Variants in RPS6KA2 observed in about 807,000 individuals in gnomAD.
RPS6KA2 encodes the protein ribosomal protein S6 kinase A2, also known as ribosomal protein S6 kinase alpha-2.
A neutral mutation model predicts 91.8 loss-of-function variants in RPS6KA2; 42 were observed. That is an observed-to-expected ratio of 0.46 (90% CI 0.36 to 0.59). RPS6KA2 has a LOEUF of 0.59. Ranked by LOEUF, RPS6KA2 falls within the 20% of genes least tolerant of loss-of-function variation. The pLI, the probability that RPS6KA2 is intolerant of heterozygous loss-of-function variation, is 0.00. For missense variants in RPS6KA2, 798 were observed against 978.5 expected (o/e 0.82, Z 2.46); for synonymous variants, 414 against 393.6 (o/e 1.05, Z -0.61).
At chr6:166,566,964 T>C (rs1454439674) in intron 1 of RPS6KA2, among the ~76,000 whole-genome samples, 2 of 152,170 alleles carry the variant, frequency 1.3e-5, no homozygotes, top group African/African-American at 4.8e-5. Flanking sequence ...AACCCTACAT[T>C]ACATCGTCGC....
At chr6:166,454,920 T>C (rs1780045417) in intron 12 of RPS6KA2, among the ~76,000 whole-genome samples, 1 of 150,216 alleles carries the variant, frequency 6.7e-6, no homozygotes, top group Admixed American at 6.7e-5. Flanking sequence ...TAAAATAGAA[T>C]ACTATAATAC....
intron 2 of RPS6KA2, among the ~76,000 whole-genome samples, chr6:166,794,459 G>T (rs1489659907): frequency 1.3e-5 from 2 of 151,710 alleles, no homozygotes; most frequent in Non-Finnish European, 3.0e-5. Context: ...ATTCCTCAGG[G>T]ATCTAGAACT....
intron 2 of RPS6KA2, among the ~76,000 whole-genome samples, chr6:166,764,849 CACACTACACAACGTGT>C (rs2128604591): frequency 6.6e-6 from 1 of 152,372 alleles, no homozygotes; most frequent in African/African-American, 2.4e-5. Flanking sequence ...CACACATTTA[CACACTACACAACGTGT>C]GTGTGTTCAC....
intron 2 of RPS6KA2, among the ~76,000 whole-genome samples, chr6:166,536,756 C>T (rs147638481): frequency 1.3e-3 from 204 of 152,294 alleles, no homozygotes; most frequent in African/African-American, 4.6e-3. Flanking sequence ...GGCGCTGCCA[C>T]TGCCTCATCC....
chr6:166,532,824 T>G (rs1340512208), intron 2 of RPS6KA2, among the ~76,000 whole-genome samples: 1 of 145,124 alleles, frequency 6.9e-6, no homozygotes, highest in Non-Finnish European at 1.5e-5. Flanking sequence ...ATGTGTGGAG[T>G]GTGAGAGAGA....
rs114869236 is a variant in RPS6KA2, at chr6:166,494,479, C to T, written c.748-3738G>A. ...ACATTCCGTGCCCGTGGTTAAGAAA[C>T]GGGAGAAGGATAAAGTGGTCTCACG... On this transcript the variant is annotated intron_variant, in intron 8 of 20. Transcript: ENST00000265678. This position sits in a 1 kb window ranked among gnomAD's most constrained non-coding sequence, Gnocchi z 5.1. 6.4e-4 allele frequency among the ~76,000 whole-genome samples: 98 copies of T among 152,308 alleles called. No homozygotes were observed. The highest frequency in any genetic ancestry group is 2.2e-3 in the African/African-American group (92 of 41,548).
intron 10 of RPS6KA2, among the ~76,000 whole-genome samples, chr6:166,477,901 C>T (rs972991858): frequency 1.3e-5 from 2 of 152,154 alleles, no homozygotes; most frequent in African/African-American, 2.4e-5. Context: ...CAGAGCAAGA[C>T]CCTGTTTAAA....
intron 2 of RPS6KA2, among the ~76,000 whole-genome samples, chr6:166,647,775 T>A (rs1191088983): frequency 7.0e-6 from 1 of 143,452 alleles, no homozygotes; most frequent in Admixed American, 6.9e-5. Context: ...CACATGCTCA[T>A]ACACACACAT....
At position 166,737,810 on chromosome 6, in the gene RPS6KA2, C is replaced by A. The variant is rs149483598; in HGVS notation, c.123+120390G>T. On this transcript the variant is annotated intron_variant, in intron 2 of 21. Coordinates refer to the RPS6KA2 transcript ENST00000503859. This position sits in a 1 kb window ranked among gnomAD's most constrained non-coding sequence, Gnocchi z 4.3. The stretch of plus-strand genomic sequence containing the variant: ...GACGAACTCTAAATTAAACTCAAAT[C>A]CCTTTGGTTATTTTTAAATCTGTAT... Among the ~76,000 whole-genome samples the A allele has an allele frequency of 3.3e-5, 5 of 152,168 alleles. No individual in the cohort carries two copies. In the East Asian group the frequency reaches 7.7e-4, roughly 23 times the overall value.
At chr6:166,646,395 A>G (rs1787602947) in intron 2 of RPS6KA2, among the ~76,000 whole-genome samples, 1 of 152,212 alleles carries the variant, frequency 6.6e-6, no homozygotes. Context: ...GAGAAAGAAC[A>G]CAACCAGCCA....
rs1216333272 is a variant in RPS6KA2 at position 166,767,419 on chromosome 6, C to T, written c.123+90781G>A. The stretch of plus-strand genomic sequence containing the variant: ...GATCAATGCGGTCCAGAGGTGAAAG[C>T]GTGGTTAGAGGAAGACAAAAAGGAC... On this transcript the variant is annotated intron_variant, in intron 2 of 21. Coordinates refer to the RPS6KA2 transcript ENST00000503859. The surrounding 1 kb of genome is among the most constrained non-coding windows in gnomAD (Gnocchi z 4.6). Among the ~76,000 whole-genome samples the T allele has an allele frequency of 6.6e-6, 1 of 151,928 alleles. No homozygotes were observed. The highest frequency in any genetic ancestry group is 2.4e-5 in the African/African-American group (1 of 41,356).
intron 3 of RPS6KA2, among the ~76,000 whole-genome samples, chr6:166,530,895 C>G (rs944944721): frequency 6.6e-6 from 1 of 152,220 alleles, no homozygotes; most frequent in African/African-American, 2.4e-5. Flanking sequence ...GTCGGCCTGC[C>G]GGTATCGAGG....
chr6:166,440,529 A>G (rs1779486253), intron 14 of RPS6KA2, among the ~76,000 whole-genome samples: 1 of 152,254 alleles, frequency 6.6e-6, no homozygotes, highest in Non-Finnish European at 1.5e-5. Flanking sequence ...AGTTATTTCT[A>G]AACAGAACTA....
At position 166,510,355 on chromosome 6, in the gene RPS6KA2, G is replaced by C; in HGVS notation, c.301C>G (p.Arg101Gly). 3 of 1,582,374 alleles carry C rather than the reference G, an allele frequency of 1.9e-6. No individual in the cohort carries two copies. The highest frequency in any genetic ancestry group is 2.6e-6 in the Non-Finnish European group (3 of 1,160,140). The stretch of plus-strand genomic sequence containing the variant: ...TCCATCTTCGATCTCACTCGGTCCC[G>C]AACTGCAAAGTAAAAAGATAAAGGC... Reference protein sequence around the residue: ...KVLKKATLKVRDRVRSKMERD... With the variant: ...KVLKKATLKVGDRVRSKMERD... Residue 101 changes from arginine to glycine, a missense_variant and splice_region_variant, in exon 4 of 21, where the codon CGG becomes GGG. Arg to Gly is a moderately radical substitution (Grantham distance 125). Transcript: ENST00000265678.
chr6:166,810,140 C>T (rs1391685521), intron 2 of RPS6KA2, among the ~76,000 whole-genome samples: 1 of 152,156 alleles, frequency 6.6e-6, no homozygotes, highest in Non-Finnish European at 1.5e-5. Context: ...TGAAAACCAT[C>T]GGATCTCGTG....
chr6:166,791,556 A>G (rs1251327100), intron 2 of RPS6KA2, among the ~76,000 whole-genome samples: 1 of 152,228 alleles, frequency 6.6e-6, no homozygotes, highest in Non-Finnish European at 1.5e-5. Context: ...AATCAACAGA[A>G]TGTACATTCT....
chr6:166,569,069 T>C (rs1784596043), intron 1 of RPS6KA2, among the ~76,000 whole-genome samples: 1 of 152,208 alleles, frequency 6.6e-6, no homozygotes, highest in Admixed American at 6.5e-5. Flanking sequence ...AGAAGGGTAT[T>C]GGGAAAAAAA....
At chr6:166,601,882 G>T (rs905757947) in intron 1 of RPS6KA2, among the ~76,000 whole-genome samples, 2 of 152,072 alleles carry the variant, frequency 1.3e-5, no homozygotes, top group Admixed American at 6.5e-5. Flanking sequence ...AGAAAAGGAT[G>T]AATCAATTCA....
chr6:166,752,397 C>G (rs1220093994), intron 2 of RPS6KA2, among the ~76,000 whole-genome samples: 1 of 152,060 alleles, frequency 6.6e-6, no homozygotes, highest in Non-Finnish European at 1.5e-5. Context: ...TCTAGAGAGG[C>G]AATTTAGAAT....
Sources: gnomAD v4.1 joint callset for allele counts (sites outside exome capture counted in the v4.1 genomes callset) on GRCh38, gnomAD v4.1.1 for gene constraint, Gnocchi (gnomAD v3.1) non-coding constraint, MANE v1.5 for transcripts, NCBI Gene and HGNC (gene_info 2026-07-23, HGNC 2026-07-21) for gene names.